ANO3: variants seen among roughly 807,000 people sequenced by gnomAD.
The protein encoded by ANO3 is anoctamin 3.
Under a neutral mutation model 144.8 loss-of-function variants are expected in ANO3, and 99 were observed. The observed-to-expected ratio is 0.68, with a 90% CI of 0.58 to 0.81. ANO3 has a LOEUF of 0.81. Among genes scored for constraint, ANO3 ranks in the 30% least tolerant of loss-of-function variants. The pLI, the probability that ANO3 is intolerant of heterozygous loss-of-function variation, is 0.00. For synonymous variants in ANO3, 414 were observed against 392.6 expected (o/e 1.05, Z -0.64); for missense variants, 905 against 1,202.2 (o/e 0.75, Z 3.66).
intron 9 of ANO3, among the ~76,000 whole-genome samples, chr11:26,536,113 G>A (rs371302585): frequency 7.1e-4 from 62 of 87,918 alleles, no homozygotes; most frequent in African/African-American, 1.8e-3. Flanking sequence ...TGAGATCAGG[G>A]GTTCAAGACC....
intron 10 of ANO3, among the ~76,000 whole-genome samples, chr11:26,540,919 C>T (rs1236765658): frequency 6.6e-6 from 1 of 152,040 alleles, no homozygotes; most frequent in Admixed American, 6.6e-5. Flanking sequence ...CCAGAAATAC[C>T]ATTTGACCCA....
chr11:26,277,470 G>C (rs1402002277), intron 1 of ANO3, among the ~76,000 whole-genome samples: 1 of 152,022 alleles, frequency 6.6e-6, no homozygotes, highest in Non-Finnish European at 1.5e-5. Flanking sequence ...ATGGCAATAA[G>C]TTAATGTATA....
intron 1 of ANO3, among the ~76,000 whole-genome samples, chr11:26,315,499 C>A (rs1854600764): frequency 6.6e-6 from 1 of 152,030 alleles, no homozygotes; most frequent in Admixed American, 6.6e-5. Context: ...AATTAACCCT[C>A]AAATTTAGGA....
At chr11:26,267,097 C>CA (rs759201943) in intron 1 of ANO3, among the ~76,000 whole-genome samples, 6,689 of 114,826 alleles carry the variant, frequency 0.058, 187 homozygotes, top group Non-Finnish European at 0.07. Context: ...GTCAAACAAA[C>CA]AAAAAAAAAA....
intron 1 of ANO3, among the ~76,000 whole-genome samples, chr11:26,392,682 A>G (rs1311114193): frequency 6.6e-6 from 1 of 152,122 alleles, no homozygotes; most frequent in South Asian, 2.1e-4. Context: ...CTATAAAATG[A>G]CCTTTATCTT....
intron 1 of ANO3, among the ~76,000 whole-genome samples, chr11:26,191,225 C>A (rs894716528): frequency 2.0e-5 from 3 of 151,740 alleles, no homozygotes; most frequent in African/African-American, 7.3e-5. Context: ...TTGTGGTGAG[C>A]TGAGATTGCG....
chr11:26,507,656 C>G (rs548210236), intron 4 of ANO3, among the ~76,000 whole-genome samples: 19 of 152,114 alleles, frequency 1.2e-4, no homozygotes, highest in Non-Finnish European at 2.4e-4. Flanking sequence ...GTGTCTTTAT[C>G]TTTGAAATGC....
intron 1 of ANO3, among the ~76,000 whole-genome samples, chr11:26,392,785 A>G (rs1216662080): frequency 6.6e-6 from 1 of 152,044 alleles, no homozygotes; most frequent in African/African-American, 2.4e-5. Context: ...GCTTGTAACC[A>G]CTCTGTAAAC....
chr11:26,561,357 A>G (rs1590533025), intron 14 of ANO3: 1 of 694,898 alleles, frequency 1.4e-6, no homozygotes. Context: ...TTTAGATTTT[A>G]GTTTTAAAAT....
intron 1 of ANO3, among the ~76,000 whole-genome samples, chr11:26,400,097 AAGTTTTTT>A (rs1438182852): frequency 6.7e-6 from 1 of 150,176 alleles, no homozygotes; most frequent in Non-Finnish European, 1.5e-5. Context: ...GTACAAAGCA[AAGTTTTTT>A]TTGTTTTTGT....
At chr11:26,462,353 A>G (rs1377612658) in intron 3 of ANO3, among the ~76,000 whole-genome samples, 1 of 151,926 alleles carries the variant, frequency 6.6e-6, no homozygotes, top group Non-Finnish European at 1.5e-5. Flanking sequence ...ATTCTTGGTC[A>G]TATAGACACC....
At chr11:26,240,294 T>C (rs1178300044) in intron 1 of ANO3, among the ~76,000 whole-genome samples, 1 of 152,176 alleles carries the variant, frequency 6.6e-6, no homozygotes, top group Non-Finnish European at 1.5e-5. Context: ...AAAGAACATA[T>C]AATCTCTACA....
intron 6 of ANO3, among the ~76,000 whole-genome samples, chr11:26,523,495 C>T (rs556234401): frequency 1.7e-4 from 26 of 152,260 alleles, no homozygotes; most frequent in African/African-American, 5.5e-4. Flanking sequence ...TTTAAAAAGA[C>T]GGCTCCTAAA....
At chr11:26,622,321 G>C (rs1852439956) in intron 17 of ANO3, among the ~76,000 whole-genome samples, 1 of 151,668 alleles carries the variant, frequency 6.6e-6, no homozygotes, top group South Asian at 2.1e-4. Flanking sequence ...ACAAAAATTT[G>C]AATAGGGCTG....
intron 17 of ANO3, among the ~76,000 whole-genome samples, chr11:26,600,564 C>A (rs949095301): frequency 8.5e-6 from 1 of 118,080 alleles, no homozygotes; most frequent in South Asian, 3.4e-4. Context: ...TAATCCCTCC[C>A]TCTCTCACTT....
At chr11:26,265,502 G>A (rs552672923) in intron 1 of ANO3, among the ~76,000 whole-genome samples, 76 of 151,988 alleles carry the variant, frequency 5.0e-4, no homozygotes, top group African/African-American at 1.4e-3. Flanking sequence ...ATCCTGTATC[G>A]CACATAAAAT....
At chr11:26,411,652 C>T (rs1857436052) in intron 1 of ANO3, among the ~76,000 whole-genome samples, 1 of 152,032 alleles carries the variant, frequency 6.6e-6, no homozygotes, top group East Asian at 1.9e-4. Flanking sequence ...ATGCACTTAT[C>T]TGATACTGCG....
At chr11:26,355,839 C>T (rs140109898) in intron 1 of ANO3, among the ~76,000 whole-genome samples, 1 of 152,116 alleles carries the variant, frequency 6.6e-6, no homozygotes, top group Non-Finnish European at 1.5e-5. Flanking sequence ...GGATTACAGG[C>T]GTGAGCCACC....
chr11:26,567,101 G>T, intron 14 of ANO3: 1 of 1,469,676 alleles, frequency 6.8e-7, no homozygotes, highest in Non-Finnish European at 9.1e-7. Context: ...CCATTTTGCA[G>T]ATGAAGAAAC....
Sources: allele counts gnomAD v4.1 joint callset (sites outside exome capture counted in the v4.1 genomes callset), GRCh38; gene constraint gnomAD v4.1.1; transcripts MANE v1.5; gene names NCBI Gene and HGNC (gene_info 2026-07-23, HGNC 2026-07-21).